The following ZNF891 variants were observed in gnomAD, a reference collection of about 807,000 sequenced individuals.
ZNF891 encodes hCG1646157.
For synonymous variants in ZNF891, 199 were observed against 209.0 expected, an observed-to-expected ratio of 0.95 and a Z score of 0.41; for missense variants, 589 against 632.7, an observed-to-expected ratio of 0.93 and a Z score of 0.74.
At position 133,106,415 on chromosome 12, in the gene ZNF891, A is replaced by G; in HGVS notation, c.*13869T>C. The G allele has an allele frequency of 6.2e-7, 1 of 1,614,150 alleles. No homozygotes were observed. The highest frequency in any genetic ancestry group is 8.5e-7 in the Non-Finnish European group (1 of 1,180,020). ...CCTTATTCAACATACGAAGAGTCAC[A>G]CTGGAGAGAAACCCTATGCGTGTGC... On this transcript the variant is annotated 3_prime_UTR_variant, in exon 2 of 2. Transcript: ENST00000537226.
At chr12:133,122,103 T>C in intron 1 of ZNF891, 79 bp from the exon 2 acceptor site, 1 of 1,376,124 alleles carries the variant, frequency 7.3e-7, no homozygotes, top group South Asian at 1.8e-5. Context: ...GAATACAAAA[T>C]TGTAGACCCT....
chr12:133,118,576 T>C lies in ZNF891; in HGVS notation c.*1708A>G, dbSNP rs1955729074. 6.6e-6 allele frequency: 1 copy of C among 152,234 alleles called. No individual in the cohort carries two copies. Among genetic ancestry groups the C allele is most frequent in the Non-Finnish European group, 1.5e-5 (1 of 68,042 alleles). The allele number at this position is 152,234 out of a possible 1,614,324, so 9.4% of individuals were successfully genotyped here. ...CCACCGTATGCCACTCCTTCCATAT[T>C]TTGTTAGAACTAATCTGGTCAGTAT... On this transcript the variant is annotated 3_prime_UTR_variant, in exon 2 of 2. Coordinates refer to ENST00000537226, the MANE Select transcript of ZNF891 (RefSeq NM_001277291.2).
In ZNF891 at chr12:133,109,116, G is replaced by GTAAC. The variant is rs1249304243; in HGVS notation, c.*11164_*11167dup. On this transcript the variant is annotated 3_prime_UTR_variant, in exon 2 of 2. Coordinates refer to ENST00000537226, the MANE Select transcript of ZNF891 (RefSeq NM_001277291.2). Reference sequence around the variant, plus strand: ...GGACACCTCTGCTTTAGAGGGAGATGTAACTATCAATGAATTATTATGTTC... The same window carrying GTAAC: ...GGACACCTCTGCTTTAGAGGGAGATGTAACTAACTATCAATGAATTATTATGTTC... 1 of 152,200 alleles carries GTAAC rather than the reference G, an allele frequency of 6.6e-6. No individual in the cohort carries two copies. The highest frequency in any genetic ancestry group is 2.4e-5 in the African/African-American group (1 of 41,452). 9.4% of individuals were successfully genotyped at this position (152,200 alleles called of 1,614,324 possible).
In ZNF891 at chr12:133,105,819, G is replaced by C. The variant is rs1379710650; in HGVS notation, c.*14465C>G. Reference sequence around the variant, plus strand: ...CGCTTTTCCCTGGTGTTACACCAGAGGACTCATACTGGAGAGAAACCATAT... The same window carrying C: ...CGCTTTTCCCTGGTGTTACACCAGACGACTCATACTGGAGAGAAACCATAT... On this transcript the variant is annotated 3_prime_UTR_variant, in exon 2 of 2. Coordinates refer to ENST00000537226, the MANE Select transcript of ZNF891 (RefSeq NM_001277291.2). 7.4e-6 allele frequency: 12 copies of C among 1,614,192 alleles called. No homozygotes were observed. The highest frequency in any genetic ancestry group is 1.0e-5 in the Non-Finnish European group (12 of 1,180,044).
rs187440935 is a variant in ZNF891 at position 133,127,003 on chromosome 12, C to T, written c.-107+3224G>A. On this transcript the variant is annotated intron_variant, in intron 1 of 1. Transcript: ENST00000537226. ...TTTTTTTTTTTTTTTGAGACGGAGT[C>T]GCCCAAGCTGGAGTGCAGTGGCACA... Among the ~76,000 whole-genome samples the T allele has an allele frequency of 1.9e-4, 26 of 135,042 alleles. No individual in the cohort carries two copies. In the East Asian group the frequency reaches 5.2e-3, roughly 27 times the overall value. The allele number at this position is 135,042 out of a possible 152,430, so 88.6% of individuals were successfully genotyped here.
intron 1 of ZNF891, among the ~76,000 whole-genome samples, chr12:133,125,205 T>G (rs1307777638): frequency 6.6e-6 from 1 of 152,184 alleles, no homozygotes; most frequent in Non-Finnish European, 1.5e-5. Flanking sequence ...GTCACTATAT[T>G]GGCCAGGCTA....
intron 1 of ZNF891, among the ~76,000 whole-genome samples, chr12:133,126,282 C>T (rs1323183485): frequency 6.6e-6 from 1 of 151,830 alleles, no homozygotes; most frequent in Non-Finnish European, 1.5e-5. Flanking sequence ...TCGAGACCAT[C>T]CTGGCTACTG....
Position 133,120,926 on chromosome 12 carries a change from C to G in ZNF891, c.993G>C (p.Arg331Ser). 1 of 1,536,696 alleles carries G rather than the reference C, an allele frequency of 6.5e-7. No individual in the cohort carries two copies. Among genetic ancestry groups the G allele is most frequent in the Admixed American group, 2.0e-5 (1 of 50,998 alleles). The change falls in exon 2 of 2, where the codon AGG (arginine) becomes AGC (serine). Residue 331 changes from arginine (R) to serine (S), a missense_variant. Physicochemically the swap from Arg to Ser is moderately radical, Grantham distance 110. Transcript: ENST00000537226. ...TCTTGTATAAAGTAAGATTAGAAAT[C>G]CTTTTGAAGGCTTTTCCACATTGAT... ...ECNQCGKAFK[R>S]ISNLTLYKKS...
Position 133,115,448 on chromosome 12 carries a change from A to C in ZNF891, c.*4836T>G, listed in dbSNP as rs1021155877. ...GGATAAAAGGTATAACTCAATTTTT[A>C]TAAAATGTTTGTATGTACATAAAGT... On this transcript the variant is annotated 3_prime_UTR_variant, in exon 2 of 2. Coordinates refer to ENST00000537226, the MANE Select transcript of ZNF891 (RefSeq NM_001277291.2). The C allele has an allele frequency of 2.1e-5, 3 of 145,726 alleles. No homozygotes were observed. The highest frequency in any genetic ancestry group is 7.4e-5 in the African/African-American group (3 of 40,450). 9.0% of individuals were successfully genotyped at this position (145,726 alleles called of 1,614,324 possible).
In ZNF891 at chr12:133,116,571, T is replaced by C. The variant is rs1955716323; in HGVS notation, c.*3713A>G. 1 of 152,164 alleles carries C rather than the reference T, an allele frequency of 6.6e-6. No homozygotes were observed. Among genetic ancestry groups the C allele is most frequent in the South Asian group, 2.1e-4 (1 of 4,832 alleles). The allele number at this position is 152,164 out of a possible 1,614,324, so 9.4% of individuals were successfully genotyped here. A position where few individuals can be genotyped will look rare whatever the true frequency, so the allele number is the denominator to read the frequency against. ...CATCTTCTTACAGACTGCTGGGATT[T>C]AACCTATACTCCCTCTAAATTTTGT... is the stretch of plus-strand genomic sequence containing the variant. On this transcript the variant is annotated 3_prime_UTR_variant, in exon 2 of 2. Coordinates refer to ENST00000537226, the MANE Select transcript of ZNF891 (RefSeq NM_001277291.2).
At chr12:133,122,325 T>C (rs1451894625) in intron 1 of ZNF891, 4 of 667,248 alleles carry the variant, frequency 6.0e-6, no homozygotes, top group Non-Finnish European at 7.4e-6. Flanking sequence ...AAAAAATGCA[T>C]GGCTGTCAAA....
Position 133,105,552 on chromosome 12 carries a change from AT to A in ZNF891, c.*14731del, listed in dbSNP as rs1421809074. ...GAGATCAAAGACTTTTCACCAAAAA[AT>A]GTCATTTATGATGACTCATCCCAGT... is the stretch of plus-strand genomic sequence containing the variant. On this transcript the variant is annotated 3_prime_UTR_variant, in exon 2 of 2. Transcript: ENST00000537226. 1.2e-4 allele frequency: 200 copies of A among 1,610,330 alleles called. No homozygotes were observed. Among genetic ancestry groups the A allele is most frequent in the Non-Finnish European group, 1.6e-4 (194 of 1,178,960 alleles).
In ZNF891 at chr12:133,117,774, C is replaced by G. The variant is rs1955723614; in HGVS notation, c.*2510G>C. 2.0e-5 allele frequency: 3 copies of G among 152,154 alleles called. No individual in the cohort carries two copies. Among genetic ancestry groups the G allele is most frequent in the Admixed American group, 1.3e-4 (2 of 15,266 alleles). The allele number at this position is 152,154 out of a possible 1,614,324, so 9.4% of individuals were successfully genotyped here. A position where few individuals can be genotyped will look rare whatever the true frequency, so the allele number is the denominator to read the frequency against. On this transcript the variant is annotated 3_prime_UTR_variant, in exon 2 of 2. Coordinates refer to ENST00000537226, the MANE Select transcript of ZNF891 (RefSeq NM_001277291.2). ...CTACATCCAGTCTTTACTTCTTTGCCCTTTATTGATTCCTAAAGTCAGCCC... is the reference window on the plus strand; with the variant it reads ...CTACATCCAGTCTTTACTTCTTTGCGCTTTATTGATTCCTAAAGTCAGCCC...
Position 133,105,522 on chromosome 12 carries a change from G to A in ZNF891, c.*14762C>T. 1 of 1,598,540 alleles carries A rather than the reference G, an allele frequency of 6.3e-7. No individual in the cohort carries two copies. Among genetic ancestry groups the A allele is most frequent in the Non-Finnish European group, 8.5e-7 (1 of 1,173,916 alleles). On this transcript the variant is annotated 3_prime_UTR_variant, in exon 2 of 2. Coordinates refer to ENST00000537226, the MANE Select transcript of ZNF891 (RefSeq NM_001277291.2). ...TGGTATCTTTCAGTTTCAGAGTCAAGTGGTGAGATCAAAGACTTTTCACCA... is the reference window on the plus strand; with the variant it reads ...TGGTATCTTTCAGTTTCAGAGTCAAATGGTGAGATCAAAGACTTTTCACCA...
rs537263409 is a variant in ZNF891 at position 133,110,465 on chromosome 12, G to C, written c.*9819C>G. 3 of 152,152 alleles carry C rather than the reference G, an allele frequency of 2.0e-5. No homozygotes were observed. The highest frequency in any genetic ancestry group is 7.2e-5 in the African/African-American group (3 of 41,418). The allele number at this position is 152,152 out of a possible 1,614,324, so 9.4% of individuals were successfully genotyped here. Reference sequence around the variant, plus strand: ...GAAGTTACTATGAATGCAGAAAGGCGACAGAACAACAGATGCAATCAATAT... The same window carrying C: ...GAAGTTACTATGAATGCAGAAAGGCCACAGAACAACAGATGCAATCAATAT... On this transcript the variant is annotated 3_prime_UTR_variant, in exon 2 of 2. Transcript: ENST00000537226.
chr12:133,106,315 A>T lies in ZNF891; in HGVS notation c.*13969T>A, dbSNP rs1235291758. On this transcript the variant is annotated 3_prime_UTR_variant, in exon 2 of 2. Coordinates refer to ENST00000537226, the MANE Select transcript of ZNF891 (RefSeq NM_001277291.2). ...TCCGTTGTCACTCATTCCTTATTAA[A>T]CATCAGAGAATTCATGCTGGAGAAA... is the stretch of plus-strand genomic sequence containing the variant. The T allele has an allele frequency of 1.2e-6, 2 of 1,614,194 alleles. No homozygotes were observed. The highest frequency in any genetic ancestry group is 4.5e-5 in the East Asian group (2 of 44,882).
chr12:133,116,556 C>T lies in ZNF891; in HGVS notation c.*3728G>A, dbSNP rs11147238. ...GACCTAAATACCCATCATCTTCTTACAGACTGCTGGGATTTAACCTATACT... is the reference window on the plus strand; with the variant it reads ...GACCTAAATACCCATCATCTTCTTATAGACTGCTGGGATTTAACCTATACT... On this transcript the variant is annotated 3_prime_UTR_variant, in exon 2 of 2. Transcript: ENST00000537226. 93,234 of 151,952 alleles carry T rather than the reference C, an allele frequency of 0.61. 29,827 individuals carry two copies. The highest frequency in any genetic ancestry group is 0.77 in the African/African-American group (31,752 of 41,426). The allele number at this position is 151,952 out of a possible 1,614,324, so 9.4% of individuals were successfully genotyped here. A position where few individuals can be genotyped will look rare whatever the true frequency, so the allele number is the denominator to read the frequency against.
At position 133,120,906 on chromosome 12, in the gene ZNF891, T is replaced by C; in HGVS notation, c.1013A>G (p.Tyr338Cys). 6.5e-7 allele frequency: 1 copy of C among 1,538,024 alleles called. No homozygotes were observed. Among genetic ancestry groups the C allele is most frequent in the Non-Finnish European group, 8.7e-7 (1 of 1,146,946 alleles). ...TTTCTCACCCATGTGACTTTTCTTG[T>C]ATAAAGTAAGATTAGAAATCCTTTT... Reference protein sequence around the residue: ...AFKRISNLTLYKKSHMGEKQY... With the variant: ...AFKRISNLTLCKKSHMGEKQY... Residue 338 changes from tyrosine to cysteine, a missense_variant, in exon 2 of 2, where the codon TAC becomes TGC. Tyr to Cys is a radical substitution (Grantham distance 194). Transcript: ENST00000537226.
chr12:133,117,081 T>A lies in ZNF891; in HGVS notation c.*3203A>T, dbSNP rs1400226206. The stretch of plus-strand genomic sequence containing the variant: ...GACTTTGCTACTTGCTTTGCTGTCT[T>A]CTCCACTGATGGCTCTATTGATAAC... On this transcript the variant is annotated 3_prime_UTR_variant, in exon 2 of 2. Transcript: ENST00000537226. 6.6e-6 allele frequency: 1 copy of A among 152,236 alleles called. No individual in the cohort carries two copies. The highest frequency in any genetic ancestry group is 1.5e-5 in the Non-Finnish European group (1 of 68,056). 9.4% of individuals were successfully genotyped at this position (152,236 alleles called of 1,614,324 possible). A position where few individuals can be genotyped will look rare whatever the true frequency, so the allele number is the denominator to read the frequency against.
Sources: allele counts gnomAD v4.1 joint callset (sites outside exome capture counted in the v4.1 genomes callset), GRCh38; gene constraint gnomAD v4.1.1; transcripts MANE v1.5; gene names NCBI Gene and HGNC (gene_info 2026-07-23, HGNC 2026-07-21).